The following ENOPH1 variants were observed in gnomAD, a reference collection of about 807,000 sequenced individuals.
ENOPH1 encodes the protein enolase-phosphatase E1.
ENOPH1 carries 14 observed loss-of-function variants against 31.1 expected under a neutral mutation model. The ratio of observed to expected loss-of-function variants is 0.45; its 90% CI spans 0.30 to 0.70. The LOEUF (loss-of-function observed/expected upper bound fraction) is 0.70. Ranked by LOEUF, ENOPH1 falls within the 30% of genes least tolerant of loss-of-function variation. The pLI is 0.09. For missense variants in ENOPH1, 243 were observed against 321.5 expected, an observed-to-expected ratio of 0.76 and a Z score of 1.87; for synonymous variants, 127 against 123.2, an observed-to-expected ratio of 1.03 and a Z score of -0.21.
intron 1 of ENOPH1, among the ~76,000 whole-genome samples, chr4:82,432,561 C>G (rs1250466193): frequency 6.6e-6 from 1 of 152,042 alleles, no homozygotes; most frequent in East Asian, 1.9e-4. Context: ...TCTCAAACTC[C>G]TGACCTCAAG....
intron 1 of ENOPH1, among the ~76,000 whole-genome samples, chr4:82,446,923 G>C (rs1421952370): frequency 6.7e-6 from 1 of 149,848 alleles, no homozygotes; most frequent in Non-Finnish European, 1.5e-5. Context: ...AGCCAGGATG[G>C]TCTCGATCTC....
intron 3 of ENOPH1, among the ~76,000 whole-genome samples, chr4:82,452,900 CTTTTTTTT>C (rs761337281): frequency 8.6e-6 from 1 of 115,928 alleles, no homozygotes; most frequent in Non-Finnish European, 1.8e-5. Flanking sequence ...CTGAGAAATT[CTTTTTTTT>C]TTTTTTTTTT....
rs184954200 is a variant in ENOPH1 at position 82,441,371 on chromosome 4, C to G, written c.85-6549C>G. Among the ~76,000 whole-genome samples, 1,164 of 152,200 alleles carry G rather than the reference C, an allele frequency of 7.6e-3. 5 individuals carry two copies. Among genetic ancestry groups the G allele is most frequent in the Admixed American group, 0.01 (158 of 15,292 alleles). ...GGTGTGGTGGCTCATGCCTGTAATC[C>G]CAGCTGTTTGGGAGGCCAAGGTGGG... is the stretch of plus-strand genomic sequence containing the variant. On this transcript the variant is annotated intron_variant, in intron 1 of 5. Transcript: ENST00000273920.
At chr4:82,440,470 G>A (rs770065024) in intron 1 of ENOPH1, among the ~76,000 whole-genome samples, 28 of 152,196 alleles carry the variant, frequency 1.8e-4, no homozygotes, top group Non-Finnish European at 2.8e-4. Flanking sequence ...CACCAGCAGC[G>A]AAACCTCTTT....
chr4:82,454,784 T>A lies in ENOPH1; in HGVS notation c.452T>A (p.Ile151Asn). ...AGAGAGGCCGGAATGAAGGTGTACA[T>A]CTATTCCTCAGGGAGTGTGGAGGCA... ...KWREAGMKVY[I>N]YSSGSVEAQK... is the part of the protein sequence containing the mutation. Residue 151 changes from isoleucine to asparagine, a missense_variant, in exon 4 of 6, where the codon ATC (isoleucine) becomes AAC (asparagine). Transcript: ENST00000273920. 6.2e-7 allele frequency: 1 copy of A among 1,614,056 alleles called. No homozygotes were observed. Among genetic ancestry groups the A allele is most frequent in the Non-Finnish European group, 8.5e-7 (1 of 1,179,984 alleles).
rs1414732875 is a variant in ENOPH1, at chr4:82,430,790, C to T, written c.-40C>T. The T allele has an allele frequency of 6.3e-7, 1 of 1,596,184 alleles. No individual in the cohort carries two copies. The highest frequency in any genetic ancestry group is 8.6e-7 in the Non-Finnish European group (1 of 1,164,016). Reference sequence around the variant, plus strand: ...CGCAGCCGGCGCCGCCCTCCGCCCTCCCCAACAGCAGGCCGAGTCCCGTAG... The same window carrying T: ...CGCAGCCGGCGCCGCCCTCCGCCCTTCCCAACAGCAGGCCGAGTCCCGTAG... On this transcript the variant is annotated 5_prime_UTR_variant, in exon 1 of 6. Transcript: ENST00000273920.
chr4:82,450,094 G>C (rs1348656174), intron 2 of ENOPH1, among the ~76,000 whole-genome samples: 1 of 152,200 alleles, frequency 6.6e-6, no homozygotes, highest in East Asian at 1.9e-4. Flanking sequence ...ATGTTTTACT[G>C]TTAGGAATTA....
At chr4:82,446,748 G>A (rs1225481916) in intron 1 of ENOPH1, among the ~76,000 whole-genome samples, 1 of 128,104 alleles carries the variant, frequency 7.8e-6, no homozygotes, top group Non-Finnish European at 1.6e-5. Context: ...CGCCCAGGCC[G>A]GACTGCGGAC....
In ENOPH1 at chr4:82,456,972, C is replaced by G. The variant is rs1722505659; in HGVS notation, c.580C>G (p.Arg194Gly). The change falls in exon 5 of 6, where the codon CGA becomes GGA. Residue 194 changes from arginine to glycine, a missense_variant. Arg to Gly is a moderately radical substitution (Grantham distance 125). Transcript: ENST00000273920. ...IGHKVESESYRKIADSIGCST... is the reference protein window; with the variant it reads ...IGHKVESESYGKIADSIGCST... Reference sequence around the variant, plus strand: ...ACACAAAGTAGAGAGTGAAAGTTACCGAAAGATTGCAGACAGCATTGGGTG... The same window carrying G: ...ACACAAAGTAGAGAGTGAAAGTTACGGAAAGATTGCAGACAGCATTGGGTG... 1 of 1,613,912 alleles carries G rather than the reference C, an allele frequency of 6.2e-7. No individual in the cohort carries two copies. Among genetic ancestry groups the G allele is most frequent in the Non-Finnish European group, 8.5e-7 (1 of 1,179,962 alleles).
intron 1 of ENOPH1, among the ~76,000 whole-genome samples, chr4:82,441,665 G>A (rs753114311): frequency 6.6e-6 from 1 of 151,972 alleles, no homozygotes; most frequent in African/African-American, 2.4e-5. Flanking sequence ...AAAACCATCA[G>A]ATCTTGTGAC....
intron 1 of ENOPH1, among the ~76,000 whole-genome samples, chr4:82,436,622 G>A (rs1246371989): frequency 1.3e-5 from 2 of 151,736 alleles, no homozygotes; most frequent in Non-Finnish European, 2.9e-5. Flanking sequence ...AGGAGGTCAA[G>A]GCTGCAGTAA....
intron 4 of ENOPH1, 123 bp downstream of exon 4, chr4:82,454,977 A>G: frequency 1.2e-6 from 1 of 869,210 alleles, no homozygotes; most frequent in Non-Finnish European, 1.8e-6. Context: ...AAATTAGGTA[A>G]GAAGAAAATA....
chr4:82,443,202 C>T (rs776134229), intron 1 of ENOPH1, among the ~76,000 whole-genome samples: 7 of 152,102 alleles, frequency 4.6e-5, no homozygotes, highest in South Asian at 2.1e-4. Context: ...TTTGGGAGGC[C>T]GCGATGGGAT....
At chr4:82,437,364 C>T in intron 1 of ENOPH1, among the ~76,000 whole-genome samples, 1 of 152,218 alleles carries the variant, frequency 6.6e-6, no homozygotes, top group East Asian at 1.9e-4. Flanking sequence ...TCTGTAGTCT[C>T]TCACTGGCTG....
rs1357284800 is a variant in ENOPH1, at chr4:82,430,756, GGCCGCA to G, written c.-63_-58del. 11 of 1,450,698 alleles carry G rather than the reference GGCCGCA, an allele frequency of 7.6e-6. No homozygotes were observed. The highest frequency in any genetic ancestry group is 3.4e-5 in the Admixed American group (2 of 58,646). 89.9% of individuals were successfully genotyped at this position (1,450,698 alleles called of 1,614,324 possible). A position where few individuals can be genotyped will look rare whatever the true frequency, so the allele number is the denominator to read the frequency against. On this transcript the variant is annotated 5_prime_UTR_variant, in exon 1 of 6. Transcript: ENST00000273920. ...GCCGGAAGCCCAAGACGGTACCGGGGGCCGCAGCCGCAGCCGGCGCCGCCCTCCGCC... is the reference window on the plus strand; with the variant it reads ...GCCGGAAGCCCAAGACGGTACCGGGGGCCGCAGCCGGCGCCGCCCTCCGCC...
At chr4:82,444,304 C>A (rs966027227) in intron 1 of ENOPH1, among the ~76,000 whole-genome samples, 2 of 152,098 alleles carry the variant, frequency 1.3e-5, no homozygotes, top group Non-Finnish European at 2.9e-5. Flanking sequence ...TCACTACAAC[C>A]TCCGCCTCCC....
At chr4:82,433,696 T>C (rs1290981461) in intron 1 of ENOPH1, among the ~76,000 whole-genome samples, 1 of 152,246 alleles carries the variant, frequency 6.6e-6, no homozygotes, top group Non-Finnish European at 1.5e-5. Flanking sequence ...GATTTCTTTA[T>C]TGCAAGACTT....
At chr4:82,450,797 C>A (rs1722327403) in intron 2 of ENOPH1, among the ~76,000 whole-genome samples, 1 of 152,182 alleles carries the variant, frequency 6.6e-6, no homozygotes, top group South Asian at 2.1e-4. Context: ...GCTCTCTCTT[C>A]TCATATACAA....
intron 5 of ENOPH1, among the ~76,000 whole-genome samples, chr4:82,458,599 C>CT (rs1722561135): frequency 6.6e-6 from 1 of 152,128 alleles, no homozygotes; most frequent in Non-Finnish European, 1.5e-5. Context: ...CAAATAGATG[C>CT]TTAGGGATAA....
Sources: allele counts gnomAD v4.1 joint callset (sites outside exome capture counted in the v4.1 genomes callset), GRCh38; gene constraint gnomAD v4.1.1; transcripts MANE v1.5; gene names NCBI Gene and HGNC (gene_info 2026-07-23, HGNC 2026-07-21).